The following ATP11A variants were observed in gnomAD, a reference collection of about 807,000 sequenced individuals.
The protein encoded by ATP11A is ATPase phospholipid transporting 11A, also known as phospholipid-transporting ATPase IH.
Under a neutral mutation model 154.4 loss-of-function variants are expected in ATP11A, and 81 were observed. The observed-to-expected ratio is 0.52, with a 90% CI of 0.44 to 0.63. The LOEUF (loss-of-function observed/expected upper bound fraction) is 0.63. ATP11A is among the 30% of genes least tolerant of loss of function. The pLI, the probability that ATP11A is intolerant of heterozygous loss-of-function variation, is 0.00. For missense variants in ATP11A, 1,316 were observed against 1,474.3 expected, an observed-to-expected ratio of 0.89 and a Z score of 1.76; for synonymous variants, 623 against 585.9, an observed-to-expected ratio of 1.06 and a Z score of -0.91.
At chr13:112,791,288 G>C (rs13378213) in intron 2 of ATP11A, among the ~76,000 whole-genome samples, 31,602 of 152,148 alleles carry the variant, frequency 0.21, 4,021 homozygotes, top group African/African-American at 0.37. Context: ...GAACCGCGGC[G>C]CCCCCTGCAC....
chr13:112,871,243 CTG>C (rs1299122090), intron 25 of ATP11A, among the ~76,000 whole-genome samples: 2 of 152,220 alleles, frequency 1.3e-5, no homozygotes, highest in Non-Finnish European at 2.9e-5. Context: ...CAGACACAGT[CTG>C]TGAGTTTGTT....
intron 27 of ATP11A, among the ~76,000 whole-genome samples, chr13:112,874,188 G>A (rs567528252): frequency 7.2e-5 from 11 of 152,286 alleles, no homozygotes; most frequent in Non-Finnish European, 1.2e-4. Context: ...CTGACTCATC[G>A]GGGAGCCTCT....
intron 4 of ATP11A, among the ~76,000 whole-genome samples, chr13:112,808,393 C>T (rs921534591): frequency 2.6e-5 from 4 of 152,102 alleles, no homozygotes; most frequent in African/African-American, 7.2e-5. Flanking sequence ...CTCTCCCGCG[C>T]GTCCTGCTAC....
intron 1 of ATP11A, among the ~76,000 whole-genome samples, chr13:112,723,484 C>G (rs1475114452): frequency 6.7e-6 from 1 of 149,820 alleles, no homozygotes; most frequent in Admixed American, 6.7e-5. Flanking sequence ...GTCGGCCAGG[C>G]TGGTCTCAAA....
intron 16 of ATP11A, among the ~76,000 whole-genome samples, chr13:112,840,638 G>T (rs2079386003): frequency 6.6e-6 from 1 of 151,632 alleles, no homozygotes; most frequent in African/African-American, 2.4e-5. Flanking sequence ...CAACACCTGT[G>T]TCACCAGGTG....
chr13:112,820,581 C>T (rs747646507), intron 8 of ATP11A, among the ~76,000 whole-genome samples: 31 of 152,252 alleles, frequency 2.0e-4, no homozygotes, highest in Non-Finnish European at 4.6e-4. Context: ...GAGGCAGCCT[C>T]GGCTGAGAGC....
intron 4 of ATP11A, 93 bp downstream of exon 4, chr13:112,806,386 A>C: frequency 1.0e-6 from 1 of 958,814 alleles, no homozygotes; most frequent in Non-Finnish European, 1.6e-6. Flanking sequence ...TGTTGTAGCT[A>C]GTTCACAGAA....
At chr13:112,808,766 C>T (rs767111004) in intron 4 of ATP11A, among the ~76,000 whole-genome samples, 11 of 152,204 alleles carry the variant, frequency 7.2e-5, no homozygotes, top group Non-Finnish European at 1.6e-4. Flanking sequence ...GGCTCTGCCG[C>T]CGCCATCGCC....
intron 1 of ATP11A, among the ~76,000 whole-genome samples, chr13:112,733,877 A>T (rs1247320929): frequency 1.3e-5 from 2 of 152,156 alleles, no homozygotes; most frequent in Non-Finnish European, 2.9e-5. Flanking sequence ...CAATTCTGTG[A>T]TTCTTATCTT....
At chr13:112,691,131 C>G (rs182845747) in intron 1 of ATP11A, among the ~76,000 whole-genome samples, 161 of 152,174 alleles carry the variant, frequency 1.1e-3, no homozygotes, top group African/African-American at 3.8e-3. Context: ...TTGTTTTACA[C>G]CAGAGGAGGG....
intron 1 of ATP11A, among the ~76,000 whole-genome samples, chr13:112,778,444 G>T (rs985340378): frequency 2.6e-5 from 4 of 152,250 alleles, no homozygotes; most frequent in African/African-American, 4.8e-5. Context: ...TACATTCTAA[G>T]TTGAGGTAAT....
chr13:112,713,732 C>G (rs1031107681), intron 1 of ATP11A, among the ~76,000 whole-genome samples: 3 of 152,162 alleles, frequency 2.0e-5, no homozygotes, highest in Non-Finnish European at 4.4e-5. Context: ...TGATGACAGA[C>G]AGCTAACTGT....
chr13:112,701,022 C>T (rs577634570), intron 1 of ATP11A, among the ~76,000 whole-genome samples: 29 of 152,348 alleles, frequency 1.9e-4, no homozygotes, highest in African/African-American at 7.0e-4. Flanking sequence ...GCTGAGGGAT[C>T]AGCCGACCCC....
chr13:112,701,064 G>T (rs1032716245), intron 1 of ATP11A, among the ~76,000 whole-genome samples: 2 of 152,198 alleles, frequency 1.3e-5, no homozygotes, highest in East Asian at 1.9e-4. Context: ...GAGGACGTTG[G>T]GGGGCAGGAG....
intron 1 of ATP11A, among the ~76,000 whole-genome samples, chr13:112,749,714 C>T (rs538587828): frequency 6.6e-6 from 1 of 150,798 alleles, no homozygotes; most frequent in African/African-American, 2.5e-5. Context: ...GGGTTGAATC[C>T]CCTTCAGCCT....
chr13:112,873,036 G>T (rs1200811184), intron 26 of ATP11A, among the ~76,000 whole-genome samples: 1 of 85,834 alleles, frequency 1.2e-5, no homozygotes, highest in Non-Finnish European at 2.4e-5. Flanking sequence ...TTGTCTTCTG[G>T]AGCGGTGTGA....
chr13:112,834,346 A>G (rs1365892893), intron 14 of ATP11A, among the ~76,000 whole-genome samples: 1 of 152,244 alleles, frequency 6.6e-6, no homozygotes, highest in Admixed American at 6.5e-5. Flanking sequence ...AATGTGCCTC[A>G]CTGCTGTGTG....
chr13:112,832,209 T>C (rs941963490), intron 13 of ATP11A, among the ~76,000 whole-genome samples: 3 of 152,230 alleles, frequency 2.0e-5, no homozygotes, highest in African/African-American at 7.2e-5. Flanking sequence ...TGGGCAGGGC[T>C]GAAGTCCCAG....
At chr13:112,816,930 GA>G (rs1378000660) in intron 6 of ATP11A, among the ~76,000 whole-genome samples, 5 of 152,316 alleles carry the variant, frequency 3.3e-5, no homozygotes, top group African/African-American at 1.2e-4. Flanking sequence ...AGAATTATGT[GA>G]AAAGTCACAC....
Sources: allele counts gnomAD v4.1 joint callset (sites outside exome capture counted in the v4.1 genomes callset), GRCh38; gene constraint gnomAD v4.1.1; transcripts MANE v1.5; gene names NCBI Gene and HGNC (gene_info 2026-07-23, HGNC 2026-07-21).